The following PDZD2 variants were observed in gnomAD, a reference collection of about 807,000 sequenced individuals.
PDZD2 encodes PDZ domain containing 2.
A neutral mutation model predicts 220.7 loss-of-function variants in PDZD2; 90 were observed. That is an observed-to-expected ratio of 0.41 (90% CI 0.34 to 0.49). The LOEUF (loss-of-function observed/expected upper bound fraction) is 0.49. PDZD2 is among the 20% of genes least tolerant of loss of function. PDZD2 has a pLI of 0.28. For missense variants in PDZD2, 3,174 were observed against 3,608.5 expected (o/e 0.88, Z 3.08); for synonymous variants, 1,375 against 1,450.5 (o/e 0.95, Z 1.18).
chr5:31,654,107 C>A (rs115038784), intron 1 of PDZD2, among the ~76,000 whole-genome samples: 1,743 of 152,148 alleles, frequency 0.011, 35 homozygotes, highest in African/African-American at 0.04. Flanking sequence ...TAAGCTGAGT[C>A]CAGAACATGA....
chr5:31,796,313 G>A (rs576135824), intron 1 of PDZD2, among the ~76,000 whole-genome samples: 30 of 152,336 alleles, frequency 2.0e-4, no homozygotes, highest in Admixed American at 1.1e-3. Context: ...CAGCAATGCA[G>A]CCCCGTCCAG....
At chr5:32,026,504 T>C (rs1211614490) in intron 6 of PDZD2, among the ~76,000 whole-genome samples, 1 of 152,204 alleles carries the variant, frequency 6.6e-6, no homozygotes, top group East Asian at 1.9e-4. Context: ...CACTACCTTT[T>C]ACATGTCTTG....
rs369858348 is a variant in PDZD2, at chr5:32,074,296, G to C, written c.3190G>C (p.Glu1064Gln). 1.9e-6 allele frequency: 3 copies of C among 1,614,070 alleles called. No individual in the cohort carries two copies. Among genetic ancestry groups the C allele is most frequent in the Non-Finnish European group, 2.5e-6 (3 of 1,180,020 alleles). ...TGCAGCCAACCTCACGGACTCTGCAGAGGCCCCCAAGGGGAGCCCTGGAAG... is the reference window on the plus strand; with the variant it reads ...TGCAGCCAACCTCACGGACTCTGCACAGGCCCCCAAGGGGAGCCCTGGAAG... ...SYAANLTDSA[E>Q]APKGSPGSWW... Residue 1064 changes from glutamate (E) to glutamine (Q), a missense_variant, in exon 18 of 25, where the codon GAG (glutamate) becomes CAG (glutamine). Physicochemically the swap from Glu to Gln is conservative, Grantham distance 29 (BLOSUM62 2). Around this residue, in one of 4 missense-constraint regions of PDZD2, gnomAD observed 1,861 missense variants for 2,001.0 expected, o/e 0.93. Coordinates refer to ENST00000438447, the MANE Select transcript of PDZD2 (RefSeq NM_178140.4).
intron 2 of PDZD2, among the ~76,000 whole-genome samples, chr5:31,845,143 C>T (rs1452099111): frequency 6.6e-6 from 1 of 152,156 alleles, no homozygotes; most frequent in Non-Finnish European, 1.5e-5. Context: ...CCAGACATTG[C>T]CAAATGTCCC....
chr5:31,643,726 G>T (rs541608278), intron 1 of PDZD2, among the ~76,000 whole-genome samples: 1 of 152,126 alleles, frequency 6.6e-6, no homozygotes, highest in Non-Finnish European at 1.5e-5. Context: ...TGAAAAAACA[G>T]TCTCACTTAT....
rs373270275 is a variant in PDZD2 at position 32,071,498 on chromosome 5, G to C, written c.2568+80G>C. On this transcript the variant is annotated intron_variant, in intron 16 of 24. Coordinates refer to ENST00000438447, the MANE Select transcript of PDZD2 (RefSeq NM_178140.4). The stretch of plus-strand genomic sequence containing the variant: ...CTGGAGCCCACAAGTCAAGCCGGAG[G>C]GCCCAGTCCCTGTTTCTGCCCATGA... The C allele has an allele frequency of 1.6e-5, 17 of 1,095,268 alleles. No homozygotes were observed. The African/African-American group carries it at 2.6e-4, about 17-fold the overall frequency. 67.8% of individuals were successfully genotyped at this position (1,095,268 alleles called of 1,614,324 possible). A position where few individuals can be genotyped will look rare whatever the true frequency, so the allele number is the denominator to read the frequency against.
Position 32,089,676 on chromosome 5 carries a change from C to A in PDZD2, c.6228C>A (p.Gly2076=). The A allele has an allele frequency of 6.2e-7, 1 of 1,614,164 alleles. No individual in the cohort carries two copies. Among genetic ancestry groups the A allele is most frequent in the Non-Finnish European group, 8.5e-7 (1 of 1,180,040 alleles). Residue 2076 remains glycine, a synonymous_variant, in exon 20 of 25, where the codon GGC becomes GGA. Coordinates refer to ENST00000438447, the MANE Select transcript of PDZD2 (RefSeq NM_178140.4). ...CCAGGCCGACTGGCGAAAAAGGAGG[C>A]AACATAATGGCCAGCGATCGCCTCG... ...AQPRPTGEKG[G]NIMASDRLER...
chr5:31,948,762 T>C (rs890020605), intron 2 of PDZD2, among the ~76,000 whole-genome samples: 1 of 152,052 alleles, frequency 6.6e-6, no homozygotes, highest in East Asian at 1.9e-4. Flanking sequence ...AGTCCCAGCT[T>C]TGAATGGTTG....
chr5:31,861,661 G>A (rs1163654460), intron 2 of PDZD2, among the ~76,000 whole-genome samples: 1 of 152,168 alleles, frequency 6.6e-6, no homozygotes, highest in Non-Finnish European at 1.5e-5. Context: ...GACACTTCAT[G>A]CTTCTGCTTG....
intron 2 of PDZD2, among the ~76,000 whole-genome samples, chr5:31,946,097 G>A (rs918008991): frequency 5.3e-5 from 8 of 152,210 alleles, no homozygotes; most frequent in African/African-American, 1.9e-4. Context: ...CTGCCTCTCA[G>A]GTTCAAGGGA....
intron 11 of PDZD2, 64 bp downstream of exon 11, chr5:32,057,792 G>T (rs1739225151): frequency 1.4e-6 from 2 of 1,422,910 alleles, no homozygotes; most frequent in African/African-American, 1.4e-5. Flanking sequence ...TCTGGCTTGG[G>T]TTTGGTGAGT....
intron 3 of PDZD2, among the ~76,000 whole-genome samples, chr5:31,994,874 G>T (rs1251641943): frequency 6.6e-6 from 1 of 152,162 alleles, no homozygotes; most frequent in Non-Finnish European, 1.5e-5. Context: ...ACTGGGTGTT[G>T]TACTGCCACC....
intron 24 of PDZD2, among the ~76,000 whole-genome samples, chr5:32,104,245 A>G (rs533085899): frequency 7.9e-5 from 12 of 152,278 alleles, no homozygotes; most frequent in African/African-American, 2.6e-4. Context: ...TCATGAGTAC[A>G]GGTTTTCTGT....
intron 5 of PDZD2, among the ~76,000 whole-genome samples, chr5:32,003,110 AAC>A (rs1221003791): frequency 6.8e-5 from 3 of 44,172 alleles, no homozygotes; most frequent in Admixed American, 3.0e-4. Context: ...ACACCCCACA[AAC>A]ACACCACGCG....
chr5:31,652,971 C>T (rs1356115508), intron 1 of PDZD2, among the ~76,000 whole-genome samples: 1 of 151,964 alleles, frequency 6.6e-6, no homozygotes, highest in Non-Finnish European at 1.5e-5. Context: ...GAGATCGTGC[C>T]ATTGAATGCC....
At chr5:31,960,616 C>T (rs1581164502) in intron 2 of PDZD2, among the ~76,000 whole-genome samples, 3 of 152,242 alleles carry the variant, frequency 2.0e-5, no homozygotes, top group African/African-American at 7.2e-5. Context: ...CCTTCACCTC[C>T]TCCCAGCTTA....
intron 2 of PDZD2, among the ~76,000 whole-genome samples, chr5:31,914,132 G>A (rs920502457): frequency 6.6e-6 from 1 of 152,044 alleles, no homozygotes; most frequent in African/African-American, 2.4e-5. Flanking sequence ...CTGCTCAAGT[G>A]GCACATGCCT....
At chr5:31,987,514 C>T (rs1247965566) in intron 3 of PDZD2, among the ~76,000 whole-genome samples, 7 of 152,146 alleles carry the variant, frequency 4.6e-5, no homozygotes, top group Non-Finnish European at 8.8e-5. Context: ...TTCCAGGAAG[C>T]CCCCTTGGTC....
chr5:31,785,973 G>A (rs1753357108), intron 1 of PDZD2, among the ~76,000 whole-genome samples: 2 of 152,074 alleles, frequency 1.3e-5, no homozygotes, highest in Admixed American at 1.3e-4. Context: ...GGAGGGACTC[G>A]GGGTTAGTAT....
Sources: allele counts gnomAD v4.1 joint callset (sites outside exome capture counted in the v4.1 genomes callset), GRCh38; gene constraint gnomAD v4.1.1; regional missense constraint gnomAD v4.1.1; transcripts MANE v1.5; gene names NCBI Gene and HGNC (gene_info 2026-07-23, HGNC 2026-07-21).